The following NAALADL2 variants were observed in gnomAD, a reference collection of about 807,000 sequenced individuals.
NAALADL2 encodes the protein inactive N-acetylated-alpha-linked acidic dipeptidase-like protein 2.
Under a neutral mutation model 87.2 loss-of-function variants are expected in NAALADL2, and 76 were observed. The observed-to-expected ratio is 0.87, with a 90% CI of 0.72 to 1.05. The LOEUF (loss-of-function observed/expected upper bound fraction) is 1.05. Ranked by LOEUF, NAALADL2 falls within the 50% of genes least tolerant of loss-of-function variation. The probability of loss-of-function intolerance (pLI) is 0.00; values close to 1 mark genes in which losing one functional copy is unlikely to be tolerated. For missense variants in NAALADL2, 1,089 were observed against 945.8 expected, an observed-to-expected ratio of 1.15 and a Z score of -1.99; for synonymous variants, 354 against 331.0, an observed-to-expected ratio of 1.07 and a Z score of -0.75.
At chr3:175,419,057 A>C (rs1317915961) in intron 5 of NAALADL2, among the ~76,000 whole-genome samples, 1 of 151,536 alleles carries the variant, frequency 6.6e-6, no homozygotes, top group Non-Finnish European at 1.5e-5. Flanking sequence ...AGAATGGTTA[A>C]ATAGTGTACT....
intron 1 of NAALADL2, among the ~76,000 whole-genome samples, chr3:174,462,757 C>G (rs1716289528): frequency 6.6e-6 from 1 of 152,066 alleles, no homozygotes; most frequent in Admixed American, 6.5e-5. Flanking sequence ...CAGCGACTAG[C>G]TAAAGTAAGC....
At chr3:174,898,780 A>ATT (rs34698954) in intron 1 of NAALADL2, among the ~76,000 whole-genome samples, 1 of 152,060 alleles carries the variant, frequency 6.6e-6, no homozygotes, top group Non-Finnish European at 1.5e-5. Flanking sequence ...ACTAAACTGT[A>ATT]TTTTTTGGAA....
At chr3:175,292,329 T>C (rs1040675845) in intron 4 of NAALADL2, among the ~76,000 whole-genome samples, 2 of 152,222 alleles carry the variant, frequency 1.3e-5, no homozygotes, top group South Asian at 2.1e-4. Context: ...CTTTGATTTA[T>C]AGTTTTAGAT....
At chr3:175,699,981 T>C (rs937165535) in intron 11 of NAALADL2, among the ~76,000 whole-genome samples, 1 of 152,140 alleles carries the variant, frequency 6.6e-6, no homozygotes, top group Admixed American at 6.6e-5. Flanking sequence ...GGTAAACTTT[T>C]ATGACTTCCA....
At chr3:174,593,604 A>G (rs1480342942) in intron 2 of NAALADL2, among the ~76,000 whole-genome samples, 2 of 152,176 alleles carry the variant, frequency 1.3e-5, no homozygotes, top group Non-Finnish European at 2.9e-5. Context: ...AATGCTTCTT[A>G]TTTAGAGATG....
At chr3:175,600,284 A>G (rs1367057412) in intron 10 of NAALADL2, among the ~76,000 whole-genome samples, 2 of 151,790 alleles carry the variant, frequency 1.3e-5, no homozygotes, top group Admixed American at 6.6e-5. Flanking sequence ...AAATGTATGT[A>G]CATACACATA....
chr3:174,515,676 A>G (rs1423314284), intron 1 of NAALADL2, among the ~76,000 whole-genome samples: 1 of 150,264 alleles, frequency 6.7e-6, no homozygotes, highest in African/African-American at 2.4e-5. Flanking sequence ...GAAATCAGAG[A>G]ACTGACAATT....
chr3:174,845,625 A>G (rs1198939599), intron 3 of NAALADL2, among the ~76,000 whole-genome samples: 1 of 152,194 alleles, frequency 6.6e-6, no homozygotes, highest in Non-Finnish European at 1.5e-5. Flanking sequence ...CAGGCCAGGA[A>G]GTTAAGTGGG....
At chr3:175,130,437 C>G (rs1727648222) in intron 2 of NAALADL2, among the ~76,000 whole-genome samples, 1 of 152,132 alleles carries the variant, frequency 6.6e-6, no homozygotes, top group Non-Finnish European at 1.5e-5. Context: ...TGCCACAGAA[C>G]TTTTCCCTAT....
chr3:175,243,854 A>T (rs569263742), intron 3 of NAALADL2, among the ~76,000 whole-genome samples: 1 of 152,264 alleles, frequency 6.6e-6, no homozygotes, highest in Admixed American at 6.5e-5. Flanking sequence ...TTCTCCACAG[A>T]ACTAATGGAA....
chr3:174,916,503 A>G (rs1305462754), intron 1 of NAALADL2, among the ~76,000 whole-genome samples: 1 of 152,108 alleles, frequency 6.6e-6, no homozygotes, highest in Non-Finnish European at 1.5e-5. Context: ...TGGAAAATGT[A>G]GCATATATAC....
intron 1 of NAALADL2, among the ~76,000 whole-genome samples, chr3:174,481,876 G>A (rs1258716172): frequency 1.3e-5 from 2 of 151,938 alleles, no homozygotes; most frequent in Admixed American, 6.6e-5. Flanking sequence ...TTTTTATTGG[G>A]GGCTGGTCAT....
At chr3:175,275,162 G>A (rs1006932316) in intron 4 of NAALADL2, among the ~76,000 whole-genome samples, 1 of 152,020 alleles carries the variant, frequency 6.6e-6, no homozygotes, top group Non-Finnish European at 1.5e-5. Flanking sequence ...GTACAATGGG[G>A]GGTAGAAATA....
chr3:175,119,118 G>A (rs1204304500), intron 2 of NAALADL2, among the ~76,000 whole-genome samples: 4 of 150,478 alleles, frequency 2.7e-5, no homozygotes, highest in African/African-American at 9.8e-5. Context: ...TAAATATTGA[G>A]GCACAAGAAA....
intron 1 of NAALADL2, among the ~76,000 whole-genome samples, chr3:175,021,783 T>C (rs1040603662): frequency 6.6e-6 from 1 of 152,120 alleles, no homozygotes; most frequent in African/African-American, 2.4e-5. Flanking sequence ...TTCTAATTGA[T>C]AGATTAAATG....
intron 2 of NAALADL2, among the ~76,000 whole-genome samples, chr3:175,142,114 C>T (rs1172600417): frequency 6.6e-6 from 1 of 152,016 alleles, no homozygotes; most frequent in African/African-American, 2.4e-5. Context: ...GCTCTCAGTA[C>T]ATGTTTGAAA....
chr3:175,012,393 C>T (rs1442407787), intron 1 of NAALADL2, among the ~76,000 whole-genome samples: 1 of 152,088 alleles, frequency 6.6e-6, no homozygotes, highest in African/African-American at 2.4e-5. Context: ...GTCTCGAACT[C>T]CTGACCTCAG....
chr3:174,917,769 G>A (rs1026319080), intron 1 of NAALADL2, among the ~76,000 whole-genome samples: 7 of 151,166 alleles, frequency 4.6e-5, no homozygotes, highest in Non-Finnish European at 1.0e-4. Flanking sequence ...ACCAATTTTA[G>A]GGAATTAAAA....
chr3:174,639,606 C>T lies in NAALADL2; in HGVS notation c.-115+88969C>T, dbSNP rs887508511. 5.3e-5 allele frequency among the ~76,000 whole-genome samples: 8 copies of T among 152,260 alleles called. No homozygotes were observed. In the East Asian group the frequency reaches 9.7e-4, roughly 18 times the overall value. ...ACACACCACTGGACTTGCCTTTCTG[C>T]GGGCTTTTTAAAACCCTGATTCTTA... is the stretch of plus-strand genomic sequence containing the variant. On this transcript the variant is annotated intron_variant, in intron 2 of 3. Coordinates refer to the NAALADL2 transcript ENST00000434257.
Sources: gnomAD v4.1 joint callset for allele counts (sites outside exome capture counted in the v4.1 genomes callset) on GRCh38, gnomAD v4.1.1 for gene constraint, MANE v1.5 for transcripts, NCBI Gene and HGNC (gene_info 2026-07-23, HGNC 2026-07-21) for gene names.